Variants in SNX4 observed in about 807,000 individuals in gnomAD.
The protein encoded by SNX4 is sorting nexin 4, also known as sorting nexin-4.
A neutral mutation model predicts 70.8 loss-of-function variants in SNX4; 49 were observed. The ratio of observed to expected loss-of-function variants is 0.69; its 90% confidence interval spans 0.55 to 0.88. SNX4 has a LOEUF of 0.88. Ranked by LOEUF, SNX4 falls within the 40% of genes least tolerant of loss-of-function variation. SNX4 has a pLI of 0.00. For missense variants in SNX4, 528 were observed against 544.8 expected (o/e 0.97, Z 0.31); for synonymous variants, 206 against 183.8 (o/e 1.12, Z -0.98).
At chr3:125,491,495 G>A (rs1020313468) in intron 5 of SNX4, among the ~76,000 whole-genome samples, 1 of 151,898 alleles carries the variant, frequency 6.6e-6, no homozygotes, top group Admixed American at 6.6e-5. Flanking sequence ...AAATGTAAAG[G>A]GTCACCATTC....
chr3:125,514,635 G>A (rs974260344), intron 1 of SNX4, among the ~76,000 whole-genome samples: 3 of 152,014 alleles, frequency 2.0e-5, no homozygotes, highest in Non-Finnish European at 2.9e-5. Context: ...CAGGTGATCC[G>A]CCTGCCTCAG....
intron 9 of SNX4, among the ~76,000 whole-genome samples, chr3:125,461,163 T>C (rs1239178062): frequency 6.6e-6 from 1 of 151,440 alleles, no homozygotes; most frequent in Non-Finnish European, 1.5e-5. Context: ...GAGGAGGAGG[T>C]TGCAGTGAGC....
intron 3 of SNX4, 21 bp from the exon 4 acceptor site, chr3:125,498,004 T>C: frequency 6.2e-7 from 1 of 1,614,016 alleles, no homozygotes; most frequent in South Asian, 1.1e-5. Flanking sequence ...AAAATAATCA[T>C]TAAGAATAGT....
chr3:125,510,831 G>A (rs553958834), intron 1 of SNX4, among the ~76,000 whole-genome samples: 11 of 152,282 alleles, frequency 7.2e-5, no homozygotes, highest in Admixed American at 5.2e-4. Context: ...GAGTTCTGGA[G>A]GCTGGTTGTA....
chr3:125,511,773 T>C (rs1935178938), intron 1 of SNX4, among the ~76,000 whole-genome samples: 1 of 152,098 alleles, frequency 6.6e-6, no homozygotes, highest in African/African-American at 2.4e-5. Flanking sequence ...TGGAGTGTTT[T>C]ATGAAGGAGA....
At chr3:125,492,682 T>C (rs1032974144) in intron 5 of SNX4, among the ~76,000 whole-genome samples, 2 of 152,206 alleles carry the variant, frequency 1.3e-5, no homozygotes, top group Non-Finnish European at 2.9e-5. Flanking sequence ...TAACTTAATG[T>C]CTCCAATCAC....
intron 9 of SNX4, among the ~76,000 whole-genome samples, chr3:125,468,143 C>T (rs1934078693): frequency 6.6e-6 from 1 of 152,078 alleles, no homozygotes; most frequent in Admixed American, 6.5e-5. Context: ...AACACAGGAA[C>T]AAAAAACCAA....
Position 125,447,860 on chromosome 3 carries a change from T to A in SNX4, c.1306-34A>T, listed in dbSNP as rs190303750. 3 of 1,451,404 alleles carry A rather than the reference T, an allele frequency of 2.1e-6. No individual in the cohort carries two copies. In the Admixed American group the frequency reaches 5.8e-5, roughly 28 times the overall value. 89.9% of individuals were successfully genotyped at this position (1,451,404 alleles called of 1,614,324 possible). ...AAAAATAAAAACTTTAAAATGTGAG[T>A]TTGGAAGGAATCTGAAAACCCAAGT... On this transcript the variant is annotated intron_variant, in intron 13 of 13. Coordinates refer to ENST00000251775, the MANE Select transcript of SNX4 (RefSeq NM_003794.4).
intron 8 of SNX4, among the ~76,000 whole-genome samples, chr3:125,472,214 A>G (rs1036902517): frequency 2.0e-5 from 3 of 152,248 alleles, no homozygotes; most frequent in African/African-American, 7.2e-5. Context: ...AAAAAAGCTG[A>G]TAAAACCAGC....
intron 10 of SNX4, among the ~76,000 whole-genome samples, chr3:125,458,042 CTACA>C (rs948538578): frequency 5.3e-5 from 8 of 151,890 alleles, no homozygotes; most frequent in African/African-American, 1.5e-4. Flanking sequence ...ACATAATGAA[CTACA>C]TACATAATTA....
rs1934818556 is a variant in SNX4 at position 125,497,344 on chromosome 3, C to T, written c.594G>A (p.Leu198=). The T allele has an allele frequency of 5.0e-6, 8 of 1,605,090 alleles. No homozygotes were observed. Among genetic ancestry groups the T allele is most frequent in the Non-Finnish European group, 6.8e-6 (8 of 1,172,972 alleles). The part of the protein sequence containing the change: ...KETVNETGFQ[L]KADSRLKALN... ...AATTTCATATAAATATTCTTACCTT[C>T]AGCTGAAACCCAGTTTCATTCACAG... Residue 198 remains leucine (L), a synonymous_variant, in exon 5 of 14, where the codon CTG becomes CTA. Transcript: ENST00000251775.
At chr3:125,502,924 T>TTTTC (rs79111496) in intron 2 of SNX4, among the ~76,000 whole-genome samples, 76,681 of 143,404 alleles carry the variant, frequency 0.53, 22,151 homozygotes, top group African/African-American at 0.77. Flanking sequence ...GTAGTTTTTT[T>TTTTC]TTTTTTTCTT....
chr3:125,492,016 G>A (rs890547225), intron 5 of SNX4, among the ~76,000 whole-genome samples: 2 of 147,630 alleles, frequency 1.4e-5, no homozygotes, highest in South Asian at 2.1e-4. Context: ...GCTGAGGCAG[G>A]AGAATCGCTT....
chr3:125,487,151 T>C (rs2107550440), intron 6 of SNX4, among the ~76,000 whole-genome samples: 1 of 152,154 alleles, frequency 6.6e-6, no homozygotes, highest in East Asian at 1.9e-4. Context: ...TATATTTTAA[T>C]AATATAAAAA....
chr3:125,480,988 A>G (rs769806085), intron 6 of SNX4, among the ~76,000 whole-genome samples: 31 of 152,222 alleles, frequency 2.0e-4, no homozygotes, highest in Middle Eastern at 6.8e-3. Flanking sequence ...CAGCATATCA[A>G]TTAACTCAGG....
At chr3:125,511,992 A>T (rs1268652854) in intron 1 of SNX4, among the ~76,000 whole-genome samples, 1 of 152,118 alleles carries the variant, frequency 6.6e-6, no homozygotes, top group Non-Finnish European at 1.5e-5. Flanking sequence ...GATAAAGAAA[A>T]AGAGCCAACC....
intron 5 of SNX4, among the ~76,000 whole-genome samples, chr3:125,493,743 A>T (rs1934714517): frequency 6.6e-6 from 1 of 151,586 alleles, no homozygotes; most frequent in Non-Finnish European, 1.5e-5. Context: ...TTACGAAAAT[A>T]TTGCCAGCCA....
At chr3:125,485,682 C>T (rs1934508043) in intron 6 of SNX4, among the ~76,000 whole-genome samples, 1 of 152,170 alleles carries the variant, frequency 6.6e-6, no homozygotes, top group African/African-American at 2.4e-5. Flanking sequence ...TACAGATTGT[C>T]TTATGCTTCT....
At chr3:125,496,804 C>T (rs1390288405) in intron 5 of SNX4, among the ~76,000 whole-genome samples, 1 of 152,120 alleles carries the variant, frequency 6.6e-6, no homozygotes, top group Non-Finnish European at 1.5e-5. Context: ...GTACCACTAA[C>T]AGATAAAACT....
Sources: gnomAD v4.1 joint callset for allele counts (sites outside exome capture counted in the v4.1 genomes callset) on GRCh38, gnomAD v4.1.1 for gene constraint, MANE v1.5 for transcripts, NCBI Gene and HGNC (gene_info 2026-07-23, HGNC 2026-07-21) for gene names.